The following POLI variants were observed in gnomAD, a reference collection of about 807,000 sequenced individuals.
POLI encodes DNA polymerase iota, also known as RAD30 homolog B.
A neutral mutation model predicts 51.6 loss-of-function variants in POLI; 58 were observed. The ratio of observed to expected loss-of-function variants is 1.12; its 90% CI spans 0.91 to 1.40. The LOEUF is 1.40. Among genes scored for constraint, POLI ranks in the 40% most tolerant of loss-of-function variants. POLI has a pLI of 0.00. For synonymous variants in POLI, 322 were observed against 299.7 expected (o/e 1.07, Z -0.77); for missense variants, 921 against 871.3 (o/e 1.06, Z -0.72).
intron 8 of POLI, among the ~76,000 whole-genome samples, chr18:54,288,910 A>G (rs1385060718): frequency 2.6e-5 from 4 of 152,094 alleles, no homozygotes; most frequent in African/African-American, 9.7e-5. Flanking sequence ...CATATCTATA[A>G]TAATGAATTT....
At chr18:54,271,539 A>T in intron 2 of POLI, 54 bp downstream of exon 2, 2 of 1,221,404 alleles carry the variant, frequency 1.6e-6, no homozygotes. Flanking sequence ...TTAGCAACTC[A>T]TCATGCTCAT....
chr18:54,277,528 A>T (rs3730723), intron 3 of POLI, among the ~76,000 whole-genome samples, 175 bp from the exon 4 acceptor site: 3,170 of 152,284 alleles, frequency 0.021, 70 homozygotes, highest in African/African-American at 0.062. Flanking sequence ...TTTATACAAG[A>T]TGTGGTACAG....
At chr18:54,304,960 A>T (rs527784714) in intron 3 of POLI, among the ~76,000 whole-genome samples, 36 of 152,368 alleles carry the variant, frequency 2.4e-4, no homozygotes, top group African/African-American at 8.2e-4. Flanking sequence ...GAAGGGATCC[A>T]GTTTCAGCTT....
At position 54,283,401 on chromosome 18, in the gene POLI, T is replaced by TAG. The variant is rs757452656; in HGVS notation, c.975+386_975+387insAG. On this transcript the variant is annotated intron_variant, in intron 6 of 9. Transcript: ENST00000579534. Reference sequence around the variant, plus strand: ...ATTTTTTTGCTATGGGACAAGCACTTTACTGAGTGCTTTAAATATGTTAGT... The same window carrying TAG: ...ATTTTTTTGCTATGGGACAAGCACTTAGTACTGAGTGCTTTAAATATGTTAGT... Among the ~76,000 whole-genome samples the TAG allele has an allele frequency of 1.9e-4, 29 of 152,276 alleles. No individual in the cohort carries two copies. The South Asian group carries it at 2.3e-3, about 12-fold the overall frequency.
intron 4 of POLI, among the ~76,000 whole-genome samples, chr18:54,279,551 C>T (rs946889624): frequency 6.6e-6 from 1 of 152,062 alleles, no homozygotes; most frequent in Non-Finnish European, 1.5e-5. Flanking sequence ...CCCATTATGT[C>T]CTTTCTTGTA....
In POLI at chr18:54,273,890, A is replaced by G. The variant is rs184253798; in HGVS notation, c.242-36A>G. The G allele has an allele frequency of 5.4e-4, 671 of 1,249,768 alleles. 1 individual carries two copies. The highest frequency in any genetic ancestry group is 1.2e-3 in the Middle Eastern group (6 of 5,068). 77.4% of individuals were successfully genotyped at this position (1,249,768 alleles called of 1,614,324 possible). A position where few individuals can be genotyped will look rare whatever the true frequency, so the allele number is the denominator to read the frequency against. On this transcript the variant is annotated intron_variant, in intron 2 of 9. Coordinates refer to ENST00000579534, the MANE Select transcript of POLI (RefSeq NM_007195.3). ...ATAATATCTTTAAATGTTTTCTTCA[A>G]TTGTGCTTGGGTTTCTCATAAAATA...
At chr18:54,277,954 T>C (rs2087325159) in intron 4 of POLI, 99 bp downstream of exon 4, 1 of 866,426 alleles carries the variant, frequency 1.2e-6, no homozygotes, top group African/African-American at 1.7e-5. Context: ...TTCATGACTT[T>C]TGTTGGAGGT....
intron 4 of POLI, 27 bp from the exon 5 acceptor site, chr18:54,280,640 T>C (rs2087453525): frequency 6.8e-7 from 1 of 1,464,930 alleles, no homozygotes; most frequent in Admixed American, 1.7e-5. Flanking sequence ...TTCTTGTGAC[T>C]TTGAATGACA....
chr18:54,269,812 T>TA, intron 1 of POLI, 151 bp downstream of exon 1: 1 of 1,366,668 alleles, frequency 7.3e-7, no homozygotes, highest in Non-Finnish European at 9.4e-7. Flanking sequence ...TGCCTTGTGT[T>TA]ACGCGGCGGG....
intron 7 of POLI, among the ~76,000 whole-genome samples, chr18:54,285,814 G>A (rs2087717859): frequency 1.3e-5 from 2 of 152,054 alleles, no homozygotes; most frequent in Non-Finnish European, 2.9e-5. Flanking sequence ...AGCAGCCATC[G>A]AGAAGTTTTG....
intron 2 of POLI, 89 bp from the exon 3 acceptor site, chr18:54,273,837 C>A: frequency 1.4e-6 from 1 of 699,298 alleles, no homozygotes; most frequent in Non-Finnish European, 2.1e-6. Context: ...GATTGTCTTA[C>A]AATTTAGACA....
At chr18:54,275,447 TAAAC>T (rs2087198588) in intron 3 of POLI, among the ~76,000 whole-genome samples, 1 of 152,260 alleles carries the variant, frequency 6.6e-6, no homozygotes, top group East Asian at 1.9e-4. Context: ...AATAGCCAAA[TAAAC>T]TAAAACATCT....
intron 8 of POLI, among the ~76,000 whole-genome samples, chr18:54,288,027 A>T (rs1223923422): frequency 2.6e-5 from 4 of 152,156 alleles, no homozygotes; most frequent in Non-Finnish European, 5.9e-5. Flanking sequence ...GCATATGCAT[A>T]TGTTTTCATT....
At position 54,294,494 on chromosome 18, in the gene POLI, G is replaced by T; in HGVS notation, c.*27G>T. The T allele has an allele frequency of 6.5e-7, 1 of 1,548,260 alleles. No homozygotes were observed. The highest frequency in any genetic ancestry group is 8.7e-7 in the Non-Finnish European group (1 of 1,152,678). On this transcript the variant is annotated 3_prime_UTR_variant, in exon 10 of 10. Coordinates refer to ENST00000579534, the MANE Select transcript of POLI (RefSeq NM_007195.3). Reference sequence around the variant, plus strand: ...CATATTCAGCAAAAAGGTCTGAAAAGCAAGGGAATACCATTATTTTCGGAT... The same window carrying T: ...CATATTCAGCAAAAAGGTCTGAAAATCAAGGGAATACCATTATTTTCGGAT...
At position 54,285,445 on chromosome 18, in the gene POLI, C is replaced by G. The variant is rs3730756; in HGVS notation, c.1067+1432C>G. ...ATCTCTGCTTCCCGGCTCCTTTTCT[C>G]CCACACCACGGGCCCTTATTTCAGT... On this transcript the variant is annotated intron_variant, in intron 7 of 9. Transcript: ENST00000579534. Among the ~76,000 whole-genome samples the G allele has an allele frequency of 6.8e-4, 103 of 152,094 alleles. 1 individual carries two copies. The highest frequency in any genetic ancestry group is 2.4e-3 in the African/African-American group (98 of 41,500).
intron 3 of POLI, among the ~76,000 whole-genome samples, chr18:54,304,510 A>C (rs2088546952): frequency 6.6e-6 from 1 of 152,254 alleles, no homozygotes; most frequent in African/African-American, 2.4e-5. Context: ...TCTGATGACC[A>C]GTGATGATGA....
At chr18:54,289,298 G>T (rs1038342330) in intron 8 of POLI, among the ~76,000 whole-genome samples, 1 of 150,616 alleles carries the variant, frequency 6.6e-6, no homozygotes, top group African/African-American at 2.4e-5. Context: ...GATTGGCAAA[G>T]GTTTTGCTCA....
intron 3 of POLI, among the ~76,000 whole-genome samples, chr18:54,319,217 T>C (rs2088767411): frequency 6.6e-6 from 1 of 152,180 alleles, no homozygotes; most frequent in Admixed American, 6.5e-5. Context: ...ACTTCTTGTG[T>C]GAGATCAATA....
At chr18:54,276,546 CTT>C (rs1428828525) in intron 3 of POLI, among the ~76,000 whole-genome samples, 1 of 152,152 alleles carries the variant, frequency 6.6e-6, no homozygotes, top group Non-Finnish European at 1.5e-5. Flanking sequence ...TTGATAAACT[CTT>C]GTTTTCTACA....
Sources: gnomAD v4.1 joint callset for allele counts (sites outside exome capture counted in the v4.1 genomes callset) on GRCh38, gnomAD v4.1.1 for gene constraint, MANE v1.5 for transcripts, NCBI Gene and HGNC (gene_info 2026-07-23, HGNC 2026-07-21) for gene names.